Variants in REV3L observed in about 807,000 individuals in gnomAD.
REV3L encodes the protein DNA polymerase zeta catalytic subunit.
REV3L carries 69 observed loss-of-function variants against 299.4 expected under a neutral mutation model. The observed-to-expected ratio is 0.23, with a 90% CI of 0.19 to 0.28. The LOEUF (loss-of-function observed/expected upper bound fraction) is 0.28. REV3L is among the 10% of genes least tolerant of loss of function. The probability of loss-of-function intolerance (pLI) is 1.00; values close to 1 mark genes in which losing one functional copy is unlikely to be tolerated. For synonymous variants in REV3L, 1,238 were observed against 1,271.4 expected (o/e 0.97, Z 0.56); for missense variants, 3,128 against 3,693.8 (o/e 0.85, Z 3.97).
intron 16 of REV3L, among the ~76,000 whole-genome samples, chr6:111,359,520 G>GAAAAAA (rs371680267): frequency 1.9e-4 from 19 of 102,592 alleles, no homozygotes; most frequent in East Asian, 5.6e-4. Flanking sequence ...AGTTTTTCCT[G>GAAAAAA]AAAAAAAAAA....
At chr6:111,336,993 A>G (rs1287241951) in intron 21 of REV3L, among the ~76,000 whole-genome samples, 1 of 152,042 alleles carries the variant, frequency 6.6e-6, no homozygotes, top group African/African-American at 2.4e-5. Context: ...AGAGAATTAA[A>G]AAGCTGTCAG....
intron 1 of REV3L, among the ~76,000 whole-genome samples, chr6:111,416,916 T>C (rs1376971171): frequency 6.6e-6 from 1 of 152,040 alleles, no homozygotes; most frequent in African/African-American, 2.4e-5. Flanking sequence ...GAGAGGCAGC[T>C]CTGGGAGAAA....
At chr6:111,425,305 A>C (rs1413448514) in intron 1 of REV3L, among the ~76,000 whole-genome samples, 1 of 152,020 alleles carries the variant, frequency 6.6e-6, no homozygotes, top group Non-Finnish European at 1.5e-5. Flanking sequence ...AAATACAAAA[A>C]AAAATTAGCC....
chr6:111,342,540 C>T (rs1000087778), intron 21 of REV3L, among the ~76,000 whole-genome samples: 2 of 151,668 alleles, frequency 1.3e-5, no homozygotes, highest in Admixed American at 1.3e-4. Context: ...TCGTGGCGGG[C>T]GCCTGTAGTC....
At chr6:111,363,680 A>G (rs1778925020) in intron 16 of REV3L, among the ~76,000 whole-genome samples, 173 bp downstream of exon 16, 1 of 152,172 alleles carries the variant, frequency 6.6e-6, no homozygotes. Flanking sequence ...AAGTTTATGT[A>G]TTGTACATAA....
At chr6:111,355,290 G>C (rs903226867) in intron 18 of REV3L, among the ~76,000 whole-genome samples, 1 of 152,068 alleles carries the variant, frequency 6.6e-6, no homozygotes, top group Non-Finnish European at 1.5e-5. Context: ...TGCCAGACCT[G>C]AGTTTAAGAG....
intron 1 of REV3L, among the ~76,000 whole-genome samples, chr6:111,471,151 TTGTG>T (rs902973023): frequency 1.6e-4 from 24 of 152,336 alleles, no homozygotes; most frequent in African/African-American, 5.1e-4. Context: ...GCTTCCATTT[TTGTG>T]TGTGTTACAA....
At chr6:111,400,810 A>G (rs987744038) in intron 4 of REV3L, among the ~76,000 whole-genome samples, 1 of 151,962 alleles carries the variant, frequency 6.6e-6, no homozygotes, top group Non-Finnish European at 1.5e-5. Flanking sequence ...ATTTTCCCTT[A>G]TTTTCTGCTA....
intron 20 of REV3L, among the ~76,000 whole-genome samples, chr6:111,344,829 T>C (rs1345048201): frequency 6.6e-6 from 1 of 152,228 alleles, no homozygotes; most frequent in Admixed American, 6.5e-5. Context: ...GTATATTACA[T>C]TATAATTTTA....
chr6:111,329,658 C>T lies in REV3L; in HGVS notation c.8115G>A (p.Lys2705=). Residue 2705 remains lysine, a synonymous_variant, in exon 25 of 32, where the codon AAG becomes AAA. Transcript: ENST00000368802. ...KTRFMVKQSM[K]AYKQDRALSR... ...ACAGGGCTCTGTCTTGCTTGTAAGC[C>T]TTCATTGACTGCTTCACCATAAATC... 1.9e-6 allele frequency: 3 copies of T among 1,614,042 alleles called. No homozygotes were observed. Among genetic ancestry groups the T allele is most frequent in the Non-Finnish European group, 2.5e-6 (3 of 1,180,014 alleles).
intron 2 of REV3L, among the ~76,000 whole-genome samples, chr6:111,414,836 T>C (rs995078965): frequency 6.6e-6 from 1 of 152,142 alleles, no homozygotes. Flanking sequence ...ACCTTCAGAA[T>C]AGATCCAGAA....
At chr6:111,382,783 A>G (rs540736371) in intron 9 of REV3L, among the ~76,000 whole-genome samples, 3 of 151,032 alleles carry the variant, frequency 2.0e-5, no homozygotes, top group Admixed American at 6.6e-5. Context: ...TATTTGTGTC[A>G]CCCCCCCTCC....
In REV3L at chr6:111,332,127, A is replaced by G. The variant is rs183570679; in HGVS notation, c.7926-343T>C. ...CGCTCTGTCACCCAGGCTGGAGTGC[A>G]GTGGCGCGATCTCGGCTCACTGCAA... On this transcript the variant is annotated intron_variant, in intron 23 of 31. Coordinates refer to ENST00000368802, the MANE Select transcript of REV3L (RefSeq NM_001372078.1). Among the ~76,000 whole-genome samples, 30 of 152,292 alleles carry G rather than the reference A, an allele frequency of 2.0e-4. No individual in the cohort carries two copies. In the East Asian group the frequency reaches 5.0e-3, roughly 25 times the overall value.
rs914025934 is a variant in REV3L, at chr6:111,357,159, C to T, written c.7073-34G>A. On this transcript the variant is annotated intron_variant, in intron 17 of 31. Coordinates refer to ENST00000368802, the MANE Select transcript of REV3L (RefSeq NM_001372078.1). ...CAAACAAAATGTCTATTATATATAACATTATATAATAATATACCTTCATAA... is the reference window on the plus strand; with the variant it reads ...CAAACAAAATGTCTATTATATATAATATTATATAATAATATACCTTCATAA... 4 of 791,388 alleles carry T rather than the reference C, an allele frequency of 5.1e-6. No homozygotes were observed. In the African/African-American group the frequency reaches 5.4e-5, roughly 11 times the overall value. The allele number at this position is 791,388 out of a possible 1,614,324, so 49.0% of individuals were successfully genotyped here.
intron 1 of REV3L, among the ~76,000 whole-genome samples, chr6:111,472,375 T>C (rs1792339970): frequency 6.6e-6 from 1 of 152,026 alleles, no homozygotes; most frequent in African/African-American, 2.4e-5. Flanking sequence ...TCGTAATAAA[T>C]GGAAGAAAAA....
chr6:111,397,351 A>C, intron 4 of REV3L, among the ~76,000 whole-genome samples: 1 of 151,792 alleles, frequency 6.6e-6, no homozygotes, highest in African/African-American at 2.4e-5. Context: ...TTCCTTCTTA[A>C]TTTCTTCATT....
intron 16 of REV3L, among the ~76,000 whole-genome samples, chr6:111,360,102 G>A (rs149440070): frequency 1.2e-3 from 185 of 152,224 alleles, no homozygotes; most frequent in Non-Finnish European, 2.1e-3. Context: ...TTACCTGTTG[G>A]GGACAGGTTA....
chr6:111,369,900 G>A (rs187746797), intron 13 of REV3L, among the ~76,000 whole-genome samples: 287 of 151,070 alleles, frequency 1.9e-3, no homozygotes, highest in Non-Finnish European at 3.4e-3. Context: ...GCAGTGGTGC[G>A]ATCTCAGCTC....
intron 1 of REV3L, among the ~76,000 whole-genome samples, chr6:111,427,532 A>G (rs1230722912): frequency 1.3e-5 from 2 of 152,194 alleles, no homozygotes; most frequent in African/African-American, 4.8e-5. Flanking sequence ...CCGAACTCAA[A>G]TATGAGGAGA....
Sources: allele counts gnomAD v4.1 joint callset (sites outside exome capture counted in the v4.1 genomes callset), GRCh38; gene constraint gnomAD v4.1.1; transcripts MANE v1.5; gene names NCBI Gene and HGNC (gene_info 2026-07-23, HGNC 2026-07-21).